Variants in CDH4 observed in about 807,000 individuals in gnomAD.
The protein encoded by CDH4 is cadherin-4.
Under a neutral mutation model 86.0 loss-of-function variants are expected in CDH4, and 33 were observed. The ratio of observed to expected loss-of-function variants is 0.38; its 90% confidence interval spans 0.29 to 0.51. The LOEUF is 0.51. Ranked by LOEUF, CDH4 falls within the 20% of genes least tolerant of loss-of-function variation. The pLI is 0.86. For synonymous variants in CDH4, 555 were observed against 549.4 expected, an observed-to-expected ratio of 1.01 and a Z score of -0.14; for missense variants, 1,114 against 1,307.4, an observed-to-expected ratio of 0.85 and a Z score of 2.28.
chr20:61,658,604 G>A (rs919640711), intron 2 of CDH4, among the ~76,000 whole-genome samples: 1 of 152,208 alleles, frequency 6.6e-6, no homozygotes, highest in African/African-American at 2.4e-5. Context: ...CACCAGTGTG[G>A]CCCTGGGCAG....
At chr20:61,851,205 G>T (rs962526056) in intron 5 of CDH4, among the ~76,000 whole-genome samples, 1 of 152,224 alleles carries the variant, frequency 6.6e-6, no homozygotes, top group Non-Finnish European at 1.5e-5. Context: ...CACATCTCGC[G>T]TGGCAGTCTG....
At chr20:61,570,743 G>C in intron 2 of CDH4, 1 of 702,350 alleles carries the variant, frequency 1.4e-6, no homozygotes. Flanking sequence ...AAATGCAGGA[G>C]GTAAGATCCT....
At chr20:61,768,860 C>T (rs191294830) in intron 3 of CDH4, among the ~76,000 whole-genome samples, 24 of 152,174 alleles carry the variant, frequency 1.6e-4, no homozygotes, top group Admixed American at 1.5e-3. Context: ...GAAATTAACG[C>T]CATACAAGCT....
intron 2 of CDH4, among the ~76,000 whole-genome samples, chr20:61,473,907 G>A (rs2145571200): frequency 6.6e-6 from 1 of 152,184 alleles, no homozygotes; most frequent in South Asian, 2.1e-4. Context: ...GTGATCAGCT[G>A]TGGATGAATA....
intron 2 of CDH4, among the ~76,000 whole-genome samples, chr20:61,306,406 C>T (rs57655653): frequency 0.044 from 6,730 of 151,982 alleles, 196 homozygotes; most frequent in African/African-American, 0.069. Flanking sequence ...GGCACGATCT[C>T]GGCTCACTGC....
At chr20:61,926,454 G>T (rs548851851) in intron 11 of CDH4, among the ~76,000 whole-genome samples, 13 of 152,338 alleles carry the variant, frequency 8.5e-5, no homozygotes, top group Admixed American at 8.5e-4. Flanking sequence ...AGGGTCCACA[G>T]AGCCCGGGCT....
chr20:61,911,009 A>G (rs915677504), intron 9 of CDH4, among the ~76,000 whole-genome samples: 1 of 152,208 alleles, frequency 6.6e-6, no homozygotes, highest in African/African-American at 2.4e-5. Context: ...GAAGTTTTTC[A>G]TGTACTTTTC....
At chr20:61,770,465 C>T (rs2088760726) in intron 3 of CDH4, among the ~76,000 whole-genome samples, 1 of 152,252 alleles carries the variant, frequency 6.6e-6, no homozygotes, top group African/African-American at 2.4e-5. Context: ...ACTGGAGAGG[C>T]ATGCCATGCC....
intron 2 of CDH4, among the ~76,000 whole-genome samples, chr20:61,315,799 T>G (rs1228030975): frequency 1.3e-5 from 2 of 152,200 alleles, no homozygotes; most frequent in Non-Finnish European, 2.9e-5. Flanking sequence ...AAACTCATGG[T>G]CTCAAGCAAT....
intron 2 of CDH4, among the ~76,000 whole-genome samples, chr20:61,577,156 T>C (rs1016386126): frequency 6.6e-6 from 1 of 152,260 alleles, no homozygotes; most frequent in African/African-American, 2.4e-5. Context: ...AGTGGATGTT[T>C]TGTGTGTTGA....
chr20:61,802,800 A>G (rs979891957), intron 4 of CDH4, among the ~76,000 whole-genome samples: 1 of 152,182 alleles, frequency 6.6e-6, no homozygotes, highest in Admixed American at 6.5e-5. Flanking sequence ...GGGCCTTCCC[A>G]CCACGGGGCC....
At chr20:61,860,942 G>A (rs1277262119) in intron 6 of CDH4, among the ~76,000 whole-genome samples, 1 of 152,224 alleles carries the variant, frequency 6.6e-6, no homozygotes, top group Non-Finnish European at 1.5e-5. Context: ...CTGGCTGTCT[G>A]CCTGCAGATC....
At chr20:61,367,157 C>T (rs888307267) in intron 2 of CDH4, among the ~76,000 whole-genome samples, 1 of 152,212 alleles carries the variant, frequency 6.6e-6, no homozygotes, top group Admixed American at 6.5e-5. Flanking sequence ...AAAGCAGCCA[C>T]CAGAGCCGTC....
rs554956413 is a variant in CDH4 at position 61,619,858 on chromosome 20, G to C, written c.170-123705G>C. 3.0e-3 allele frequency among the ~76,000 whole-genome samples: 450 copies of C among 152,348 alleles called. 3 individuals are homozygous for C. The highest frequency in any genetic ancestry group is 3.1e-3 in the Non-Finnish European group (209 of 68,026). ...GTTTGCAGCAAGAGGGGAAGTTGCCGTAGGGCCTCTGATGATGGCAGCGCT... is the reference window on the plus strand; with the variant it reads ...GTTTGCAGCAAGAGGGGAAGTTGCCCTAGGGCCTCTGATGATGGCAGCGCT... On this transcript the variant is annotated intron_variant, in intron 2 of 15. Transcript: ENST00000614565.
At chr20:61,769,471 C>A (rs1009644646) in intron 3 of CDH4, among the ~76,000 whole-genome samples, 2 of 152,166 alleles carry the variant, frequency 1.3e-5, no homozygotes, top group Non-Finnish European at 2.9e-5. Context: ...ATGGGAAGAT[C>A]GATTTCCGCC....
intron 2 of CDH4, among the ~76,000 whole-genome samples, chr20:61,430,611 T>C (rs2085241164): frequency 1.3e-5 from 2 of 152,046 alleles, no homozygotes; most frequent in Admixed American, 1.3e-4. Flanking sequence ...ACTGCAATGG[T>C]GCGATTAGAG....
chr20:61,850,294 G>A (rs570712494), intron 5 of CDH4, among the ~76,000 whole-genome samples: 8 of 152,340 alleles, frequency 5.3e-5, no homozygotes, highest in African/African-American at 1.9e-4. Flanking sequence ...TGGAGTTAAC[G>A]TGTGTAGGGT....
intron 2 of CDH4, among the ~76,000 whole-genome samples, chr20:61,258,427 C>T (rs1390995401): frequency 6.6e-6 from 1 of 151,730 alleles, no homozygotes; most frequent in Non-Finnish European, 1.5e-5. Context: ...CCCCGTTTCT[C>T]AGTTAGTTTA....
intron 2 of CDH4, among the ~76,000 whole-genome samples, chr20:61,430,363 C>T (rs960682925): frequency 6.6e-5 from 10 of 152,182 alleles, no homozygotes; most frequent in African/African-American, 1.9e-4. Context: ...CTTTGACGCC[C>T]GGCTCATCAG....
Sources: allele counts gnomAD v4.1 joint callset (sites outside exome capture counted in the v4.1 genomes callset), GRCh38; gene constraint gnomAD v4.1.1; transcripts MANE v1.5; gene names NCBI Gene and HGNC (gene_info 2026-07-23, HGNC 2026-07-21).